Variants in NVL observed in about 807,000 individuals in gnomAD.
NVL encodes nuclear valosin-containing protein-like.
A neutral mutation model predicts 110.2 loss-of-function variants in NVL; 84 were observed. That is an observed-to-expected ratio of 0.76 (90% CI 0.64 to 0.91). NVL has a LOEUF of 0.91. NVL is among the 40% of genes least tolerant of loss of function. The probability of loss-of-function intolerance (pLI) is 0.00; values close to 1 mark genes in which losing one functional copy is unlikely to be tolerated. For synonymous variants in NVL, 354 were observed against 361.1 expected, an observed-to-expected ratio of 0.98 and a Z score of 0.22; for missense variants, 882 against 1,035.9, an observed-to-expected ratio of 0.85 and a Z score of 2.04.
At chr1:224,274,276 G>A (rs995459692) in intron 17 of NVL, among the ~76,000 whole-genome samples, 1 of 151,278 alleles carries the variant, frequency 6.6e-6, no homozygotes, top group Non-Finnish European at 1.5e-5. Context: ...GGGAGAAAGA[G>A]TGAGACTCTG....
At chr1:224,236,665 C>A in intron 19 of NVL, 83 bp from the exon 20 acceptor site, 1 of 1,108,202 alleles carries the variant, frequency 9.0e-7, no homozygotes, top group Non-Finnish European at 1.4e-6. Context: ...AATCCCAGCA[C>A]TTTGGGAGGC....
intron 1 of NVL, among the ~76,000 whole-genome samples, chr1:224,327,581 T>C (rs780239960): frequency 3.3e-5 from 5 of 151,946 alleles, no homozygotes; most frequent in Non-Finnish European, 7.4e-5. Flanking sequence ...TTGGGTCCCA[T>C]CCCCAAATAT....
At chr1:224,310,178 C>CAAA (rs1230097656) in intron 5 of NVL, among the ~76,000 whole-genome samples, 3 of 39,172 alleles carry the variant, frequency 7.7e-5, no homozygotes, top group East Asian at 7.0e-4. Context: ...GACTCCCTCG[C>CAAA]AAAAAAAAAA....
At chr1:224,304,586 C>T (rs1429296238) in intron 8 of NVL, 150 bp downstream of exon 8, 3 of 636,778 alleles carry the variant, frequency 4.7e-6, no homozygotes, top group Non-Finnish European at 8.5e-6. Context: ...CCTGCAATGC[C>T]CTAAAGGGTA....
At chr1:224,304,640 A>T in intron 8 of NVL, 96 bp downstream of exon 8, 1 of 1,071,222 alleles carries the variant, frequency 9.3e-7, no homozygotes, top group Non-Finnish European at 1.4e-6. Flanking sequence ...TTCCTTTTCT[A>T]CACCCAGATC....
Position 224,317,797 on chromosome 1 carries a change from AAAC to A in NVL, c.185-7_185-5del. 1 of 1,577,450 alleles carries A rather than the reference AAAC, an allele frequency of 6.3e-7. No individual in the cohort carries two copies. Among genetic ancestry groups the A allele is most frequent in the Non-Finnish European group, 8.7e-7 (1 of 1,149,254 alleles). ...TCACTACTAATTATGCTAAATACTG[AAAC>A]AAAAAGAAAAACGCTATGAGCTAAA... On this transcript the variant is annotated splice_polypyrimidine_tract_variant and splice_region_variant and intron_variant, in intron 3 of 22. Coordinates refer to ENST00000281701, the MANE Select transcript of NVL (RefSeq NM_002533.4).
chr1:224,251,249 G>A (rs1662452267), intron 18 of NVL, among the ~76,000 whole-genome samples: 1 of 129,268 alleles, frequency 7.7e-6, no homozygotes, highest in Non-Finnish European at 1.6e-5. Context: ...ACTTCAGCCT[G>A]GCCAACAGAG....
chr1:224,300,908 C>T (rs1668335361), intron 9 of NVL, among the ~76,000 whole-genome samples: 1 of 152,108 alleles, frequency 6.6e-6, no homozygotes, highest in South Asian at 2.1e-4. Flanking sequence ...AGTTCGAGAC[C>T]ACCCTGACCA....
At chr1:224,301,768 C>CT in intron 9 of NVL, 1 of 156,396 alleles carries the variant, frequency 6.4e-6, no homozygotes, top group South Asian at 1.2e-4. Flanking sequence ...CCACTGCACT[C>CT]AGCCTGGGCA....
chr1:224,273,396 G>A (rs571098809), intron 17 of NVL, among the ~76,000 whole-genome samples: 2 of 150,500 alleles, frequency 1.3e-5, no homozygotes, highest in South Asian at 4.2e-4. Flanking sequence ...CTGGGTGACA[G>A]AGCAAGACTC....
At chr1:224,237,817 G>A (rs1050684802) in intron 19 of NVL, among the ~76,000 whole-genome samples, 1 of 150,408 alleles carries the variant, frequency 6.6e-6, no homozygotes, top group Non-Finnish European at 1.5e-5. Flanking sequence ...GGAGCGATGG[G>A]GTGGCGTGTG....
intron 19 of NVL, among the ~76,000 whole-genome samples, chr1:224,248,668 G>A (rs1462100089): frequency 2.0e-5 from 3 of 152,194 alleles, no homozygotes; most frequent in African/African-American, 4.8e-5. Flanking sequence ...AAGTGGGTGC[G>A]AAGAGAAAAT....
chr1:224,316,436 A>T (rs1463836831), intron 4 of NVL, among the ~76,000 whole-genome samples: 1 of 152,034 alleles, frequency 6.6e-6, no homozygotes, highest in Non-Finnish European at 1.5e-5. Flanking sequence ...CTATAATCCC[A>T]ACACTTTGGG....
At chr1:224,320,523 T>G (rs551882191) in intron 2 of NVL, among the ~76,000 whole-genome samples, 3 of 152,194 alleles carry the variant, frequency 2.0e-5, no homozygotes, top group African/African-American at 7.2e-5. Flanking sequence ...GGTGGGTGCC[T>G]GTAATCCCAG....
chr1:224,298,218 G>T, intron 10 of NVL: 1 of 208,952 alleles, frequency 4.8e-6, no homozygotes, highest in South Asian at 7.5e-5. Flanking sequence ...AAGAAAAGAA[G>T]AGAAGAGAAA....
intron 1 of NVL, 126 bp from the exon 2 acceptor site, chr1:224,326,590 G>A: frequency 1.2e-5 from 7 of 572,316 alleles, no homozygotes; most frequent in South Asian, 2.7e-5. Flanking sequence ...AAGTGTACCA[G>A]AAACATAAAT....
intron 19 of NVL, among the ~76,000 whole-genome samples, chr1:224,249,408 G>A (rs561681358): frequency 2.2e-4 from 33 of 152,138 alleles, no homozygotes; most frequent in Non-Finnish European, 3.7e-4. Flanking sequence ...TGACAGGTGT[G>A]AGCCAACGTG....
At chr1:224,309,579 AT>A (rs1353457239) in intron 5 of NVL, among the ~76,000 whole-genome samples, 1 of 152,158 alleles carries the variant, frequency 6.6e-6, no homozygotes, top group Non-Finnish European at 1.5e-5. Flanking sequence ...AAGGGAAAAA[AT>A]AAAAAGCAAA....
intron 16 of NVL, among the ~76,000 whole-genome samples, chr1:224,279,376 C>G (rs1026703353): frequency 2.0e-5 from 3 of 152,102 alleles, no homozygotes. Context: ...AGTTTGAGAC[C>G]AGCCTGGACA....
Sources: gnomAD v4.1 joint callset for allele counts (sites outside exome capture counted in the v4.1 genomes callset) on GRCh38, gnomAD v4.1.1 for gene constraint, MANE v1.5 for transcripts, NCBI Gene and HGNC (gene_info 2026-07-23, HGNC 2026-07-21) for gene names.